The following PIK3C2G variants were observed in gnomAD, a reference collection of about 807,000 sequenced individuals.
The protein encoded by PIK3C2G is phosphatidylinositol 3-kinase C2 domain-containing subunit gamma.
Under a neutral mutation model 181.1 loss-of-function variants are expected in PIK3C2G, and 168 were observed. The ratio of observed to expected loss-of-function variants is 0.93; its 90% CI spans 0.82 to 1.05. PIK3C2G has a LOEUF of 1.05. Among genes scored for constraint, PIK3C2G ranks in the 50% least tolerant of loss-of-function variants. PIK3C2G has a pLI of 0.00. For synonymous variants in PIK3C2G, 573 were observed against 592.2 expected, an observed-to-expected ratio of 0.97 and a Z score of 0.47; for missense variants, 1,869 against 1,732.8, an observed-to-expected ratio of 1.08 and a Z score of -1.40.
At chr12:18,694,614 A>T in the PIK3C2G span, among the ~76,000 whole-genome samples, 1 of 152,180 alleles carries the variant, frequency 6.6e-6, no homozygotes, top group Admixed American at 6.5e-5. Flanking sequence ...TGAGACCTGT[A>T]TCTCACAATA....
intron 19 of PIK3C2G, among the ~76,000 whole-genome samples, chr12:18,489,740 A>C (rs1940382810): frequency 6.6e-6 from 1 of 152,176 alleles, no homozygotes; most frequent in Non-Finnish European, 1.5e-5. Flanking sequence ...GTTGATGGCA[A>C]GTTAAATAAA....
At chr12:18,303,083 T>G (rs1950243776) in intron 5 of PIK3C2G, among the ~76,000 whole-genome samples, 1 of 147,598 alleles carries the variant, frequency 6.8e-6, no homozygotes, top group South Asian at 2.1e-4. Flanking sequence ...TTTAAGTAAT[T>G]TCTTTTTCTT....
chr12:18,673,146 G>T, the PIK3C2G span, among the ~76,000 whole-genome samples: 20 of 152,140 alleles, frequency 1.3e-4, no homozygotes, highest in Non-Finnish European at 2.6e-4. Flanking sequence ...TTAAGGAACA[G>T]GGGAATTTAT....
At chr12:18,588,139 A>G (rs1946888561) in intron 29 of PIK3C2G, among the ~76,000 whole-genome samples, 1 of 152,106 alleles carries the variant, frequency 6.6e-6, no homozygotes, top group South Asian at 2.1e-4. Flanking sequence ...ACCCAAAACT[A>G]TAAAAGCCCT....
At chr12:18,652,215 T>C (rs1950548245), downstream of PIK3C2G, among the ~76,000 whole-genome samples, 3 of 152,096 alleles carry the variant, frequency 2.0e-5, no homozygotes, top group South Asian at 6.2e-4. Context: ...TGAGGTCATA[T>C]GGAGTGAGGT....
At chr12:18,284,882 T>C (rs945790447) in intron 2 of PIK3C2G, among the ~76,000 whole-genome samples, 3 of 151,960 alleles carry the variant, frequency 2.0e-5, no homozygotes, top group Non-Finnish European at 2.9e-5. Context: ...CAGAGACTTA[T>C]GAGACAAGAA....
intron 1 of PIK3C2G, among the ~76,000 whole-genome samples, chr12:18,281,390 A>C (rs60226328): frequency 5.9e-5 from 9 of 152,140 alleles, no homozygotes; most frequent in African/African-American, 2.2e-4. Flanking sequence ...AACGGTATCA[A>C]ATCCTGTGAA....
chr12:18,394,814 T>C (rs969665585), intron 15 of PIK3C2G, among the ~76,000 whole-genome samples: 8 of 151,672 alleles, frequency 5.3e-5, no homozygotes, highest in Non-Finnish European at 1.2e-4. Context: ...TGAGGGACAA[T>C]ATCAAACAAT....
chr12:18,650,100 C>T (rs2931484), downstream of PIK3C2G, among the ~76,000 whole-genome samples: 117,847 of 151,878 alleles, frequency 0.78, 46,184 homozygotes, highest in East Asian at 0.94. Context: ...GAGTAACAAA[C>T]TGCCAACTCA....
At chr12:18,465,042 A>C (rs1937708930) in intron 18 of PIK3C2G, among the ~76,000 whole-genome samples, 1 of 151,912 alleles carries the variant, frequency 6.6e-6, no homozygotes, top group Non-Finnish European at 1.5e-5. Flanking sequence ...AAGCTGTATT[A>C]GAAATTGTAA....
chr12:18,680,057 G>C, the PIK3C2G span, among the ~76,000 whole-genome samples: 1 of 151,892 alleles, frequency 6.6e-6, no homozygotes, highest in Admixed American at 6.6e-5. Flanking sequence ...CCCTTTGTTG[G>C]TACACATATT....
the PIK3C2G span, chr12:18,719,470 T>G: frequency 6.4e-7 from 1 of 1,564,956 alleles, no homozygotes; most frequent in Non-Finnish European, 8.7e-7. Flanking sequence ...CAATAATTGA[T>G]CAGATACCAA....
At chr12:18,513,042 G>C (rs868667765) in intron 24 of PIK3C2G, among the ~76,000 whole-genome samples, 1 of 151,762 alleles carries the variant, frequency 6.6e-6, no homozygotes, top group Non-Finnish European at 1.5e-5. Flanking sequence ...TCTGCATCCA[G>C]TGAGATGATG....
intron 22 of PIK3C2G, among the ~76,000 whole-genome samples, chr12:18,500,690 T>C (rs1272402870): frequency 1.3e-5 from 2 of 152,022 alleles, no homozygotes; most frequent in Non-Finnish European, 2.9e-5. Context: ...AACAGACCAC[T>C]CGGCTCTACC....
intron 19 of PIK3C2G, 49 bp downstream of exon 19, chr12:18,488,678 T>A: frequency 2.6e-6 from 3 of 1,152,426 alleles, no homozygotes; most frequent in African/African-American, 1.6e-5. Context: ...AACTTTGGCT[T>A]AAATTAAGTT....
At chr12:18,690,106 C>G in the PIK3C2G span, among the ~76,000 whole-genome samples, 2 of 152,100 alleles carry the variant, frequency 1.3e-5, no homozygotes, top group Non-Finnish European at 2.9e-5. Context: ...GTTCTCTTTA[C>G]TATTCATAAC....
chr12:18,647,568 G>A (rs1231245697), intron 32 of PIK3C2G, among the ~76,000 whole-genome samples: 1 of 151,890 alleles, frequency 6.6e-6, no homozygotes, highest in Non-Finnish European at 1.5e-5. Context: ...GGTATAAAAG[G>A]TGAAGTATAT....
chr12:18,338,708 T>C (rs1938815765), intron 9 of PIK3C2G, among the ~76,000 whole-genome samples, 160 bp downstream of exon 9: 2 of 140,634 alleles, frequency 1.4e-5, no homozygotes, highest in African/African-American at 5.3e-5. Flanking sequence ...TGTGTGTGTG[T>C]GCATGCAGCC....
At chr12:18,442,012 G>A (rs1421480173) in intron 18 of PIK3C2G, among the ~76,000 whole-genome samples, 3 of 152,040 alleles carry the variant, frequency 2.0e-5, no homozygotes, top group Admixed American at 2.0e-4. Flanking sequence ...CAGTAGTGAG[G>A]CTGAATTAAA....
Sources: gnomAD v4.1 joint callset for allele counts (sites outside exome capture counted in the v4.1 genomes callset) on GRCh38, gnomAD v4.1.1 for gene constraint, MANE v1.5 for transcripts, NCBI Gene and HGNC (gene_info 2026-07-23, HGNC 2026-07-21) for gene names.